The following ALMS1 variants were observed in gnomAD, a reference collection of about 807,000 sequenced individuals.
The protein encoded by ALMS1 is ALMS1 centrosome and basal body associated protein.
Under a neutral mutation model 352.2 loss-of-function variants are expected in ALMS1, and 271 were observed. That is an observed-to-expected ratio of 0.77 (90% CI 0.70 to 0.85). ALMS1 has a LOEUF of 0.85. Among genes scored for constraint, ALMS1 ranks in the 40% least tolerant of loss-of-function variants. The pLI is 0.00. For synonymous variants in ALMS1, 1,865 were observed against 1,761.2 expected (o/e 1.06, Z -1.48); for missense variants, 5,445 against 4,870.7 (o/e 1.12, Z -3.51).
At position 73,601,226 on chromosome 2, in the gene ALMS1, G is replaced by T; in HGVS notation, c.11904G>T (p.Val3968=). 6.2e-7 allele frequency: 1 copy of T among 1,614,198 alleles called. No individual in the cohort carries two copies. The highest frequency in any genetic ancestry group is 1.1e-5 in the South Asian group (1 of 91,074). ...CCTGGTTTGTTCCTGTGGAAAATGT[G>T]GAGTCTAGATCAAAGAAGGAAAACG... ...GVSWFVPVEN[V]ESRSKKENVP... The change falls in exon 19 of 23, where the codon GTG becomes GTT. Residue 3968 remains valine, a synonymous_variant. Coordinates refer to ENST00000613296, the MANE Select transcript of ALMS1 (RefSeq NM_001378454.1).
At chr2:73,522,399 T>G (rs1278070650) in intron 11 of ALMS1, among the ~76,000 whole-genome samples, 2 of 152,088 alleles carry the variant, frequency 1.3e-5, no homozygotes, top group Admixed American at 1.3e-4. Flanking sequence ...TTTTTCTTTT[T>G]CTTTTTCCTT....
intron 9 of ALMS1, among the ~76,000 whole-genome samples, chr2:73,475,004 C>A (rs1286582575): frequency 6.6e-6 from 1 of 152,070 alleles, no homozygotes; most frequent in Non-Finnish European, 1.5e-5. Context: ...AATGTATGAT[C>A]TTTTGTGACT....
In ALMS1 at chr2:73,589,595, A is replaced by G. The variant is rs530293289; in HGVS notation, c.11548-9806A>G. ...TTAAGTATGCATGAACTTTCATCAT[A>G]TATAAAAGGTGTACCATTATTTTTG... On this transcript the variant is annotated intron_variant, in intron 16 of 22. Coordinates refer to ENST00000613296, the MANE Select transcript of ALMS1 (RefSeq NM_001378454.1). Among the ~76,000 whole-genome samples, 13 of 152,348 alleles carry G rather than the reference A, an allele frequency of 8.5e-5. No individual in the cohort carries two copies. In the East Asian group the frequency reaches 2.5e-3, roughly 29 times the overall value.
intron 7 of ALMS1, among the ~76,000 whole-genome samples, chr2:73,440,901 G>T (rs1192908640): frequency 2.0e-5 from 3 of 152,174 alleles, no homozygotes; most frequent in African/African-American, 7.2e-5. Flanking sequence ...GCCTATTTAT[G>T]TGGCTGTGAT....
intron 12 of ALMS1, among the ~76,000 whole-genome samples, chr2:73,538,475 G>A (rs996403889): frequency 3.3e-5 from 5 of 152,158 alleles, no homozygotes; most frequent in African/African-American, 4.8e-5. Context: ...GAAAACGAAT[G>A]ATTTCTGCAT....
At chr2:73,500,550 C>T (rs930561360) in intron 10 of ALMS1, among the ~76,000 whole-genome samples, 7 of 152,038 alleles carry the variant, frequency 4.6e-5, no homozygotes, top group Non-Finnish European at 5.9e-5. Flanking sequence ...ACCATTGCCA[C>T]CATGAGATTA....
At chr2:73,566,927 C>G (rs10190002) in intron 15 of ALMS1, among the ~76,000 whole-genome samples, 1 of 152,014 alleles carries the variant, frequency 6.6e-6, no homozygotes, top group Non-Finnish European at 1.5e-5. Flanking sequence ...AGGATACGCA[C>G]GAACAACCAA....
intron 1 of ALMS1, among the ~76,000 whole-genome samples, chr2:73,395,124 G>A (rs1374949154): frequency 8.1e-6 from 1 of 122,920 alleles, no homozygotes; most frequent in Non-Finnish European, 1.6e-5. Context: ...CTCTGTCACC[G>A]AGGCTGGAGT....
At chr2:73,567,928 CA>C (rs1490592500) in intron 15 of ALMS1, among the ~76,000 whole-genome samples, 1 of 151,914 alleles carries the variant, frequency 6.6e-6, no homozygotes, top group African/African-American at 2.4e-5. Flanking sequence ...TATCATAATG[CA>C]AAATCAATTT....
chr2:73,412,119 G>C (rs1671089399), intron 2 of ALMS1, among the ~76,000 whole-genome samples: 1 of 152,106 alleles, frequency 6.6e-6, no homozygotes, highest in Non-Finnish European at 1.5e-5. Flanking sequence ...TACTCTCTTA[G>C]GTGTACAGTT....
chr2:73,609,508 G>A (rs1232571997), intron 22 of ALMS1, 60 bp from the exon 23 acceptor site: 2 of 1,493,194 alleles, frequency 1.3e-6, no homozygotes, highest in East Asian at 2.3e-5. Flanking sequence ...GGGAGGAGAG[G>A]CATCTGCCTC....
intron 11 of ALMS1, among the ~76,000 whole-genome samples, chr2:73,527,099 T>C (rs759752427): frequency 2.6e-5 from 4 of 152,190 alleles, no homozygotes; most frequent in African/African-American, 7.2e-5. Flanking sequence ...TAAACCATCC[T>C]TGCATCCCTG....
intron 16 of ALMS1, among the ~76,000 whole-genome samples, chr2:73,596,624 A>G (rs1675555164): frequency 6.6e-6 from 1 of 151,922 alleles, no homozygotes. Flanking sequence ...GGTGCGTGCC[A>G]CCACACCCAG....
intron 11 of ALMS1, among the ~76,000 whole-genome samples, chr2:73,533,718 A>G (rs1673968955): frequency 6.6e-6 from 1 of 152,216 alleles, no homozygotes; most frequent in Admixed American, 6.5e-5. Context: ...GTATATAGAA[A>G]AAAAATGTCC....
rs763724672 is a variant in ALMS1 at position 73,408,758 on chromosome 2, T to G, written c.450+11T>G. On this transcript the variant is annotated intron_variant, in intron 2 of 22. Transcript: ENST00000613296. ...TCTGGGGATGATCAGGTATGTCTTC[T>G]GTAACTGGCTAACTTTTTTTTTTTG... The G allele has an allele frequency of 1.2e-6, 2 of 1,611,492 alleles. No individual in the cohort carries two copies. The highest frequency in any genetic ancestry group is 1.7e-6 in the Non-Finnish European group (2 of 1,178,998).
At chr2:73,430,694 A>G (rs990540129) in intron 6 of ALMS1, among the ~76,000 whole-genome samples, 2 of 152,170 alleles carry the variant, frequency 1.3e-5, no homozygotes, top group East Asian at 1.9e-4. Context: ...CAATATTTAG[A>G]ACAGTAACAT....
Position 73,609,729 on chromosome 2 carries a change from G to A in ALMS1, c.*117G>A. On this transcript the variant is annotated 3_prime_UTR_variant, in exon 23 of 23. Coordinates refer to ENST00000613296, the MANE Select transcript of ALMS1 (RefSeq NM_001378454.1). ...TTATTCTTTGTCCATGTGTATTTTA[G>A]AAATAGTAACTTCTAAAGAGTCTGG... The A allele has an allele frequency of 9.5e-7, 1 of 1,052,658 alleles. No individual in the cohort carries two copies. Among genetic ancestry groups the A allele is most frequent in the Non-Finnish European group, 1.5e-6 (1 of 684,234 alleles). 65.2% of individuals were successfully genotyped at this position (1,052,658 alleles called of 1,614,324 possible).
intron 16 of ALMS1, among the ~76,000 whole-genome samples, chr2:73,598,115 G>C (rs1675590989): frequency 6.6e-6 from 1 of 152,122 alleles, no homozygotes; most frequent in African/African-American, 2.4e-5. Context: ...GGATAAGGTT[G>C]GTTCAATCAG....
Position 73,449,991 on chromosome 2 carries a change from A to C in ALMS1, c.3464A>C (p.His1155Pro), listed in dbSNP as rs553406974. Residue 1155 changes from histidine to proline, a missense_variant, in exon 8 of 23, where the codon CAC becomes CCC. His to Pro is a moderately conservative substitution (Grantham distance 77). Coordinates refer to ENST00000613296, the MANE Select transcript of ALMS1 (RefSeq NM_001378454.1). ...SQHREKPSIFHQQALPGTHIP... is the reference protein window; with the variant it reads ...SQHREKPSIFPQQALPGTHIP... ...CATAGAGAAAAGCCCAGCATTTTCC[A>C]CCAGCAGGCCTTGCCAGGTACTCAT... 22 of 1,614,034 alleles carry C rather than the reference A, an allele frequency of 1.4e-5. No individual in the cohort carries two copies. The African/African-American group carries it at 2.8e-4, about 21-fold the overall frequency.
Sources: gnomAD v4.1 joint callset for allele counts (sites outside exome capture counted in the v4.1 genomes callset) on GRCh38, gnomAD v4.1.1 for gene constraint, MANE v1.5 for transcripts, NCBI Gene and HGNC (gene_info 2026-07-23, HGNC 2026-07-21) for gene names.